The following PIP4K2A variants were observed in gnomAD, a reference collection of about 807,000 sequenced individuals.
PIP4K2A encodes the protein phosphatidylinositol-5-phosphate 4-kinase type 2 alpha.
Under a neutral mutation model 42.9 loss-of-function variants are expected in PIP4K2A, and 14 were observed. The observed-to-expected ratio is 0.33, with a 90% CI of 0.22 to 0.51. The LOEUF is 0.51. Among genes scored for constraint, PIP4K2A ranks in the 20% least tolerant of loss-of-function variants. The probability of loss-of-function intolerance (pLI) is 0.97; values close to 1 mark genes in which losing one functional copy is unlikely to be tolerated. For missense variants in PIP4K2A, 434 were observed against 519.8 expected (o/e 0.83, Z 1.61); for synonymous variants, 192 against 192.2 (o/e 1.00, Z 0.01).
rs1269900046 is a variant in PIP4K2A, at chr10:22,664,219, A to G, written c.144+49964T>C. On this transcript the variant is annotated intron_variant, in intron 1 of 9. Transcript: ENST00000376573. ...TATATATATACATATATATATATAC[A>G]TATATATATACACACACACACACAC... 1.3e-3 allele frequency among the ~76,000 whole-genome samples: 52 copies of G among 39,952 alleles called. 4 individuals are homozygous for G. The highest frequency in any genetic ancestry group is 5.5e-3 in the African/African-American group (52 of 9,504). 26.2% of individuals were successfully genotyped at this position (39,952 alleles called of 152,430 possible). A position where few individuals can be genotyped will look rare whatever the true frequency, so the allele number is the denominator to read the frequency against.
At chr10:22,657,346 T>G (rs1839122753) in intron 1 of PIP4K2A, among the ~76,000 whole-genome samples, 1 of 152,250 alleles carries the variant, frequency 6.6e-6, no homozygotes, top group African/African-American at 2.4e-5. Context: ...GAATGACGTT[T>G]AGGAACAAAG....
intron 6 of PIP4K2A, among the ~76,000 whole-genome samples, chr10:22,565,620 C>T (rs964074522): frequency 7.2e-5 from 11 of 152,202 alleles, no homozygotes; most frequent in Non-Finnish European, 1.0e-4. Context: ...TGAACAAATA[C>T]GAAATCTGGG....
At chr10:22,655,355 C>T (rs1416948695) in intron 1 of PIP4K2A, among the ~76,000 whole-genome samples, 1 of 152,204 alleles carries the variant, frequency 6.6e-6, no homozygotes, top group Non-Finnish European at 1.5e-5. Flanking sequence ...AGCTGGAGCC[C>T]TCGGCAGGAG....
intron 1 of PIP4K2A, among the ~76,000 whole-genome samples, chr10:22,681,681 A>T (rs935653287): frequency 4.6e-5 from 7 of 152,134 alleles, no homozygotes; most frequent in Non-Finnish European, 2.9e-5. Context: ...TTTCTAAAAA[A>T]AAATAAAATA....
chr10:22,537,193 G>A lies in PIP4K2A; in HGVS notation c.*8C>T, dbSNP rs377425892. On this transcript the variant is annotated 3_prime_UTR_variant, in exon 10 of 10. Transcript: ENST00000376573. ...AATGTTCATGTCTGTCCGAGGCTGCGCAGGAGGTTACGTCAAGATGTGGCC... is the reference window on the plus strand; with the variant it reads ...AATGTTCATGTCTGTCCGAGGCTGCACAGGAGGTTACGTCAAGATGTGGCC... The A allele has an allele frequency of 2.8e-5, 44 of 1,594,898 alleles. No individual in the cohort carries two copies. The highest frequency in any genetic ancestry group is 2.3e-4 in the East Asian group (10 of 44,418).
chr10:22,570,283 C>T (rs568658456), intron 5 of PIP4K2A, among the ~76,000 whole-genome samples: 5 of 152,290 alleles, frequency 3.3e-5, no homozygotes, highest in South Asian at 2.1e-4. Context: ...GATGAAGAGA[C>T]GGAGGGTCAT....
intron 1 of PIP4K2A, among the ~76,000 whole-genome samples, chr10:22,664,228 T>TATACATATATATAC (rs1554807358): frequency 2.2e-5 from 2 of 89,856 alleles, no homozygotes; most frequent in South Asian, 3.0e-4. Flanking sequence ...CATATATATA[T>TATACATATATATAC]ACACACACAC....
chr10:22,535,777 C>CTTGA lies in PIP4K2A; in HGVS notation c.*1420_*1423dup, dbSNP rs1835903749. 4.3e-6 allele frequency: 1 copy of CTTGA among 232,086 alleles called. No homozygotes were observed. The highest frequency in any genetic ancestry group is 8.3e-6 in the Non-Finnish European group (1 of 120,882). The allele number at this position is 232,086 out of a possible 1,614,324, so 14.4% of individuals were successfully genotyped here. A position where few individuals can be genotyped will look rare whatever the true frequency, so the allele number is the denominator to read the frequency against. On this transcript the variant is annotated 3_prime_UTR_variant, in exon 10 of 10. Transcript: ENST00000376573. ...CATGATCTAGGTTGGAAATTTATAA[C>CTTGA]TTGATTAAAAACAATCAGCACAGTT... is the stretch of plus-strand genomic sequence containing the variant.
intron 1 of PIP4K2A, among the ~76,000 whole-genome samples, chr10:22,619,080 G>GAA (rs35386541): frequency 2.0e-5 from 3 of 151,742 alleles, no homozygotes; most frequent in South Asian, 4.1e-4. Context: ...TGTACTGGGG[G>GAA]AAAAAATCAC....
intron 2 of PIP4K2A, among the ~76,000 whole-genome samples, chr10:22,608,458 T>C (rs1837958788): frequency 6.6e-6 from 1 of 152,186 alleles, no homozygotes; most frequent in African/African-American, 2.4e-5. Context: ...CTGTTTTATA[T>C]AAATGCCACA....
intron 1 of PIP4K2A, among the ~76,000 whole-genome samples, chr10:22,628,066 A>G (rs542848420): frequency 6.6e-6 from 1 of 152,330 alleles, no homozygotes; most frequent in Middle Eastern, 3.4e-3. Context: ...TGATTTTACT[A>G]TTATATCTAG....
chr10:22,547,065 A>C (rs1019754430), intron 7 of PIP4K2A, among the ~76,000 whole-genome samples: 1 of 152,090 alleles, frequency 6.6e-6, no homozygotes, highest in Non-Finnish European at 1.5e-5. Context: ...TGCTGTGACA[A>C]ATCTTTGAGC....
chr10:22,668,355 C>A (rs1839388642), intron 1 of PIP4K2A, among the ~76,000 whole-genome samples: 1 of 152,176 alleles, frequency 6.6e-6, no homozygotes, highest in Non-Finnish European at 1.5e-5. Flanking sequence ...CTATCACCAA[C>A]TAAAAAGACA....
At chr10:22,552,798 G>A (rs1028924088) in intron 6 of PIP4K2A, among the ~76,000 whole-genome samples, 4 of 152,176 alleles carry the variant, frequency 2.6e-5, no homozygotes, top group African/African-American at 9.7e-5. Context: ...GGCGATGGGA[G>A]GCGTGTGGGT....
chr10:22,628,687 G>A (rs1292281451), intron 1 of PIP4K2A, among the ~76,000 whole-genome samples: 1 of 152,148 alleles, frequency 6.6e-6, no homozygotes, highest in South Asian at 2.1e-4. Flanking sequence ...CAGGTCATAG[G>A]TAGATTGAAA....
At chr10:22,607,070 C>T (rs1837921566) in intron 3 of PIP4K2A, among the ~76,000 whole-genome samples, 1 of 152,160 alleles carries the variant, frequency 6.6e-6, no homozygotes, top group Non-Finnish European at 1.5e-5. Context: ...CGTTGATGAT[C>T]AGAAAATATT....
intron 1 of PIP4K2A, among the ~76,000 whole-genome samples, chr10:22,653,998 A>C (rs1403266461): frequency 6.6e-6 from 1 of 152,184 alleles, no homozygotes; most frequent in Non-Finnish European, 1.5e-5. Context: ...GAAGTGCCCA[A>C]GCATTTTATA....
intron 1 of PIP4K2A, among the ~76,000 whole-genome samples, chr10:22,674,971 T>C (rs1041107368): frequency 1.3e-5 from 2 of 149,142 alleles, no homozygotes; most frequent in East Asian, 2.0e-4. Context: ...ATTCTGTCTT[T>C]AAAAAACAAA....
chr10:22,712,129 T>A (rs1310625621), intron 1 of PIP4K2A, among the ~76,000 whole-genome samples: 1 of 152,220 alleles, frequency 6.6e-6, no homozygotes, highest in African/African-American at 2.4e-5. Context: ...AACTGCCAAC[T>A]TCTCTTGAGA....
Sources: allele counts gnomAD v4.1 joint callset (sites outside exome capture counted in the v4.1 genomes callset), GRCh38; gene constraint gnomAD v4.1.1; transcripts MANE v1.5; gene names NCBI Gene and HGNC (gene_info 2026-07-23, HGNC 2026-07-21).